The following TRPC4 variants were observed in gnomAD, a reference collection of about 807,000 sequenced individuals.
TRPC4 encodes short transient receptor potential channel 4.
TRPC4 carries 49 observed loss-of-function variants against 99.4 expected under a neutral mutation model. The ratio of observed to expected loss-of-function variants is 0.49; its 90% CI spans 0.39 to 0.63. The LOEUF is 0.63. TRPC4 is among the 20% of genes least tolerant of loss of function. The probability of loss-of-function intolerance (pLI) is 0.00; values close to 1 mark genes in which losing one functional copy is unlikely to be tolerated. For synonymous variants in TRPC4, 454 were observed against 425.9 expected (o/e 1.07, Z -0.81); for missense variants, 898 against 1,152.9 (o/e 0.78, Z 3.20).
At chr13:37,830,935 G>A (rs973739021) in intron 1 of TRPC4, among the ~76,000 whole-genome samples, 11 of 151,144 alleles carry the variant, frequency 7.3e-5, no homozygotes, top group Non-Finnish European at 1.3e-4. Context: ...AAAAGTTAAA[G>A]TATATAAACT....
intron 2 of TRPC4, among the ~76,000 whole-genome samples, chr13:37,756,065 AC>A (rs1956088969): frequency 6.6e-6 from 1 of 152,122 alleles, no homozygotes; most frequent in Non-Finnish European, 1.5e-5. Context: ...AGAAATTTCA[AC>A]TTAGTTATAT....
At chr13:37,779,337 T>C (rs1956780786) in intron 2 of TRPC4, among the ~76,000 whole-genome samples, 1 of 151,892 alleles carries the variant, frequency 6.6e-6, no homozygotes, top group South Asian at 2.1e-4. Flanking sequence ...AGACTATCAG[T>C]GCAATGATTC....
At chr13:37,868,150 A>G (rs1959893249) in intron 1 of TRPC4, among the ~76,000 whole-genome samples, 1 of 152,026 alleles carries the variant, frequency 6.6e-6, no homozygotes, top group Non-Finnish European at 1.5e-5. Context: ...TTTTATCTTG[A>G]CCTTTTGGAA....
intron 2 of TRPC4, among the ~76,000 whole-genome samples, chr13:37,776,010 C>T (rs1391103414): frequency 6.6e-6 from 1 of 151,788 alleles, no homozygotes. Context: ...ATATATGAGT[C>T]AGAATAGCCA....
rs139490908 is a variant in TRPC4 at position 37,746,669 on chromosome 13, A to G, written c.379-214T>C. Among the ~76,000 whole-genome samples the G allele has an allele frequency of 2.1e-3, 318 of 149,538 alleles. 2 individuals are homozygous for G. Among genetic ancestry groups the G allele is most frequent in the African/African-American group, 7.5e-3 (303 of 40,662 alleles). ...CAATATGATGCATTATTCTTTTTTT[A>G]ATCTGAATTATGACATTTTACAGCA... On this transcript the variant is annotated intron_variant, in intron 2 of 10. Transcript: ENST00000379705.
intron 4 of TRPC4, among the ~76,000 whole-genome samples, chr13:37,678,483 C>G (rs2138792370): frequency 6.6e-6 from 1 of 152,052 alleles, no homozygotes; most frequent in East Asian, 1.9e-4. Flanking sequence ...GAATGAATAC[C>G]TGGATGCTCA....
At chr13:37,837,548 G>T (rs1417358334) in intron 1 of TRPC4, among the ~76,000 whole-genome samples, 1 of 152,312 alleles carries the variant, frequency 6.6e-6, no homozygotes, top group African/African-American at 2.4e-5. Context: ...CTTGCATGGG[G>T]CCTGTAGCCT....
chr13:37,772,902 ACT>A (rs1956595660), intron 2 of TRPC4, among the ~76,000 whole-genome samples: 1 of 151,010 alleles, frequency 6.6e-6, no homozygotes, highest in South Asian at 2.1e-4. Flanking sequence ...AATCTCCTAC[ACT>A]CTCGTGAATG....
intron 3 of TRPC4, among the ~76,000 whole-genome samples, chr13:37,742,628 G>A (rs1003252132): frequency 6.6e-6 from 1 of 152,160 alleles, no homozygotes; most frequent in East Asian, 1.9e-4. Context: ...CCTTTAAAGA[G>A]TGTGCAGGAC....
intron 3 of TRPC4, among the ~76,000 whole-genome samples, chr13:37,738,166 G>C (rs1448902559): frequency 6.6e-6 from 1 of 152,296 alleles, no homozygotes; most frequent in East Asian, 1.9e-4. Context: ...CCTGAGAAAT[G>C]AGCAGGATGT....
intron 6 of TRPC4, among the ~76,000 whole-genome samples, chr13:37,655,526 T>C (rs1952199734): frequency 6.6e-6 from 1 of 152,054 alleles, no homozygotes; most frequent in Admixed American, 6.6e-5. Context: ...CTTTGAAAGC[T>C]AAATTTAGTT....
At chr13:37,744,440 G>T (rs1227052846) in intron 3 of TRPC4, among the ~76,000 whole-genome samples, 1 of 152,140 alleles carries the variant, frequency 6.6e-6, no homozygotes, top group Non-Finnish European at 1.5e-5. Flanking sequence ...AATAGCAAAT[G>T]TGATTTTAGA....
intron 1 of TRPC4, among the ~76,000 whole-genome samples, chr13:37,800,984 T>C (rs1411001075): frequency 2.0e-5 from 3 of 152,066 alleles, no homozygotes; most frequent in Non-Finnish European, 4.4e-5. Context: ...GAGTAATAAA[T>C]ACTAACAAAT....
chr13:37,655,043 C>T, intron 7 of TRPC4, 45 bp downstream of exon 7: 10 of 1,383,992 alleles, frequency 7.2e-6, no homozygotes, highest in South Asian at 1.8e-5. Flanking sequence ...AAGAACAACA[C>T]ATTCTAGAGG....
At chr13:37,755,868 G>T (rs1002496134) in intron 2 of TRPC4, among the ~76,000 whole-genome samples, 1 of 151,976 alleles carries the variant, frequency 6.6e-6, no homozygotes, top group Non-Finnish European at 1.5e-5. Context: ...TATGAAAAAG[G>T]TGTTTGTTTT....
intron 8 of TRPC4, among the ~76,000 whole-genome samples, chr13:37,646,404 C>T (rs1450386601): frequency 6.6e-6 from 1 of 152,046 alleles, no homozygotes; most frequent in Non-Finnish European, 1.5e-5. Context: ...GTAAACATTT[C>T]ATTTAGAAAC....
At chr13:37,727,741 A>G (rs1271461161) in intron 3 of TRPC4, among the ~76,000 whole-genome samples, 4 of 152,044 alleles carry the variant, frequency 2.6e-5, no homozygotes. Flanking sequence ...TAAAGAAAGA[A>G]AAAGGATTAT....
intron 1 of TRPC4, among the ~76,000 whole-genome samples, chr13:37,865,764 C>T (rs970066751): frequency 3.3e-5 from 5 of 151,604 alleles, no homozygotes; most frequent in South Asian, 2.1e-4. Context: ...ATCAGGTAGA[C>T]GTAGTACCTG....
intron 1 of TRPC4, among the ~76,000 whole-genome samples, chr13:37,815,704 T>C (rs1314347158): frequency 2.0e-5 from 3 of 151,848 alleles, no homozygotes; most frequent in African/African-American, 4.8e-5. Context: ...ATTAGACAGG[T>C]CATTGAGGCA....
Sources: allele counts gnomAD v4.1 joint callset (sites outside exome capture counted in the v4.1 genomes callset), GRCh38; gene constraint gnomAD v4.1.1; transcripts MANE v1.5; gene names NCBI Gene and HGNC (gene_info 2026-07-23, HGNC 2026-07-21).